The following MYCBP2 variants were observed in gnomAD, a reference collection of about 807,000 sequenced individuals.
MYCBP2 encodes the protein E3 ubiquitin-protein ligase MYCBP2.
Under a neutral mutation model 525.3 loss-of-function variants are expected in MYCBP2, and 120 were observed. The observed-to-expected ratio is 0.23, with a 90% confidence interval of 0.20 to 0.27. The LOEUF is 0.27. Among genes scored for constraint, MYCBP2 ranks in the 10% least tolerant of loss-of-function variants. The pLI is 1.00. For missense variants in MYCBP2, 4,149 were observed against 5,657.1 expected, an observed-to-expected ratio of 0.73 and a Z score of 8.55; for synonymous variants, 1,894 against 1,955.8, an observed-to-expected ratio of 0.97 and a Z score of 0.83.
At chr13:77,160,584 G>A (rs1220327975) in intron 44 of MYCBP2, among the ~76,000 whole-genome samples, 2 of 152,146 alleles carry the variant, frequency 1.3e-5, no homozygotes, top group Non-Finnish European at 2.9e-5. Context: ...TTGAACTTCA[G>A]TTATTATAAT....
chr13:77,273,153 A>C (rs1363838098), intron 5 of MYCBP2, among the ~76,000 whole-genome samples: 1 of 152,336 alleles, frequency 6.6e-6, no homozygotes, highest in East Asian at 1.9e-4. Context: ...CCATACTAAA[A>C]AACTCAGGGA....
chr13:77,152,136 T>C (rs1306071735), intron 46 of MYCBP2, among the ~76,000 whole-genome samples: 4 of 152,230 alleles, frequency 2.6e-5, no homozygotes, highest in African/African-American at 7.2e-5. Context: ...CGCGATTCTA[T>C]GGAATCAGTA....
At chr13:77,156,312 A>G (rs1046707627) in intron 45 of MYCBP2, 110 bp from the exon 46 acceptor site, 2 of 988,216 alleles carry the variant, frequency 2.0e-6, no homozygotes, top group Non-Finnish European at 2.9e-6. Flanking sequence ...ACAAAATGCT[A>G]AAACATTATC....
In MYCBP2 at chr13:77,057,039, G is replaced by A; in HGVS notation, c.13384C>T (p.Arg4462Ter). The A allele has an allele frequency of 6.2e-7, 1 of 1,613,908 alleles. No individual in the cohort carries two copies. Among genetic ancestry groups the A allele is most frequent in the Non-Finnish European group, 8.5e-7 (1 of 1,179,890 alleles). ...LQCCRRVLEN[R>*]WLGPRITFGF... Reference sequence around the variant, plus strand: ...AATGTTATCCTTGGGCCAAGCCATCGATTTTCTAATACTCGCCGACAGCAC... The same window carrying A: ...AATGTTATCCTTGGGCCAAGCCATCAATTTTCTAATACTCGCCGACAGCAC... Residue 4462 changes from arginine (R) to a stop codon, truncating the protein, a stop_gained, in exon 79 of 83, where the codon CGA (arginine) becomes TGA (stop). Coordinates refer to ENST00000544440, the MANE Select transcript of MYCBP2 (RefSeq NM_015057.5). LOFTEE classifies it high-confidence loss of function.
intron 14 of MYCBP2, among the ~76,000 whole-genome samples, chr13:77,256,751 A>G (rs2072263741): frequency 6.6e-6 from 1 of 152,130 alleles, no homozygotes; most frequent in South Asian, 2.1e-4. Flanking sequence ...GAGGATGTGG[A>G]GAAAAGGGAA....
intron 11 of MYCBP2, 48 bp from the exon 12 acceptor site, chr13:77,261,423 G>C: frequency 7.3e-7 from 1 of 1,374,626 alleles, no homozygotes; most frequent in South Asian, 1.4e-5. Context: ...TTGGAATAGT[G>C]CATCAGGTTT....
chr13:77,191,849 C>T, intron 27 of MYCBP2, 36 bp from the exon 28 acceptor site: 2 of 1,599,030 alleles, frequency 1.3e-6, no homozygotes, highest in African/African-American at 1.3e-5. Context: ...ACAATATTTT[C>T]TTACTTCTCT....
rs1235981397 is a variant in MYCBP2 at position 77,188,038 on chromosome 13, T to TCCAG, written c.4251+909_4251+912dup. Among the ~76,000 whole-genome samples the TCCAG allele has an allele frequency of 7.4e-5, 10 of 134,322 alleles. No individual in the cohort carries two copies. In the South Asian group the frequency reaches 1.4e-3, roughly 19 times the overall value. 88.1% of individuals were successfully genotyped at this position (134,322 alleles called of 152,430 possible). On this transcript the variant is annotated intron_variant, in intron 30 of 82. Coordinates refer to ENST00000544440, the MANE Select transcript of MYCBP2 (RefSeq NM_015057.5). Reference sequence around the variant, plus strand: ...GTGAGCCAAGATCGTGCCACTGCACTCCAGCCTGGGCGACAGAGCGAGACT... The same window carrying TCCAG: ...GTGAGCCAAGATCGTGCCACTGCACTCCAGCCAGCCTGGGCGACAGAGCGAGACT...
intron 26 of MYCBP2, among the ~76,000 whole-genome samples, chr13:77,196,718 C>A (rs958529683): frequency 6.6e-6 from 1 of 151,930 alleles, no homozygotes; most frequent in Non-Finnish European, 1.5e-5. Context: ...ATGAGGATAG[C>A]AGGTTTAGGC....
chr13:77,153,064 CAAAA>C (rs34811244), intron 46 of MYCBP2, among the ~76,000 whole-genome samples: 2 of 78,918 alleles, frequency 2.5e-5, no homozygotes, highest in Admixed American at 1.3e-4. Flanking sequence ...GACTCTGTCT[CAAAA>C]AAAAAAAAAA....
Position 77,098,733 on chromosome 13 carries a change from G to A in MYCBP2, c.8421C>T (p.Ser2807=), listed in dbSNP as rs2046613662. 5.6e-6 allele frequency: 9 copies of A among 1,613,494 alleles called. No individual in the cohort carries two copies. Among genetic ancestry groups the A allele is most frequent in the Non-Finnish European group, 7.6e-6 (9 of 1,179,702 alleles). The change falls in exon 56 of 83, where the codon AGC becomes AGT. Residue 2807 remains serine, a synonymous_variant. Transcript: ENST00000544440. ...TLKSDGRMPS[S]SRAESPGPGS... is the part of the protein sequence containing the mutation. ...CTGGTCCTGGGGATTCAGCTCTGGAGCTAGAAGGCATCCTCCCATCAGATT... is the reference window on the plus strand; with the variant it reads ...CTGGTCCTGGGGATTCAGCTCTGGAACTAGAAGGCATCCTCCCATCAGATT...
At chr13:77,126,288 T>C (rs765523342) in intron 53 of MYCBP2, 30 bp downstream of exon 53, 3 of 1,585,622 alleles carry the variant, frequency 1.9e-6, no homozygotes, top group Non-Finnish European at 1.7e-6. Context: ...ATGAGTATCT[T>C]AGAAGTCATG....
intron 18 of MYCBP2, 148 bp downstream of exon 18, chr13:77,233,008 A>G (rs1488041717): frequency 3.6e-6 from 2 of 557,522 alleles, no homozygotes; most frequent in Non-Finnish European, 6.3e-6. Context: ...AAACGGTATC[A>G]CTTTCAGAAT....
At chr13:77,217,980 A>C (rs751994847) in intron 20 of MYCBP2, 23 bp from the exon 21 acceptor site, 30 of 1,455,904 alleles carry the variant, frequency 2.1e-5, no homozygotes, top group Non-Finnish European at 2.5e-5. Context: ...AAAAAAAAGT[A>C]AGTCAATTTC....
intron 5 of MYCBP2, among the ~76,000 whole-genome samples, chr13:77,272,843 AGAG>A (rs2075070899): frequency 6.6e-6 from 1 of 152,232 alleles, no homozygotes; most frequent in South Asian, 2.1e-4. Flanking sequence ...CCAAGGGGCC[AGAG>A]AAGAGTAGAC....
chr13:77,199,390 T>C (rs1216454201), intron 26 of MYCBP2, among the ~76,000 whole-genome samples: 1 of 152,262 alleles, frequency 6.6e-6, no homozygotes, highest in Non-Finnish European at 1.5e-5. Flanking sequence ...CGGAGGGTCC[T>C]ACGCTCATGG....
chr13:77,067,441 C>G (rs1053926562), intron 71 of MYCBP2, 140 bp downstream of exon 71: 3 of 820,502 alleles, frequency 3.7e-6, no homozygotes, highest in Admixed American at 5.1e-5. Flanking sequence ...TATACATGAC[C>G]TTTTTAGATA....
intron 15 of MYCBP2, among the ~76,000 whole-genome samples, chr13:77,247,942 A>C (rs1162893404): frequency 2.6e-5 from 4 of 152,130 alleles, no homozygotes; most frequent in African/African-American, 4.8e-5. Flanking sequence ...TACAAAAAAA[A>C]ACAAAAAACT....
At position 77,176,639 on chromosome 13, in the gene MYCBP2, A is replaced by AG; in HGVS notation, c.5341-12_5341-11insC. On this transcript the variant is annotated splice_polypyrimidine_tract_variant and intron_variant, in intron 35 of 82. Coordinates refer to ENST00000544440, the MANE Select transcript of MYCBP2 (RefSeq NM_015057.5). ...TCCTGCATGTTCACTCTAAAAAAAA[A>AG]AAATGAAACACAAAAATTCCAACAG... 6.7e-7 allele frequency: 1 copy of AG among 1,490,572 alleles called. No homozygotes were observed. Among genetic ancestry groups the AG allele is most frequent in the South Asian group, 1.6e-5 (1 of 63,818 alleles). The allele number at this position is 1,490,572 out of a possible 1,614,324, so 92.3% of individuals were successfully genotyped here.
Sources: allele counts gnomAD v4.1 joint callset (sites outside exome capture counted in the v4.1 genomes callset), GRCh38; gene constraint gnomAD v4.1.1; transcripts MANE v1.5; gene names NCBI Gene and HGNC (gene_info 2026-07-23, HGNC 2026-07-21).